MAGI2: variants seen among roughly 807,000 people sequenced by gnomAD.
MAGI2 encodes the protein membrane associated guanylate kinase, WW and PDZ domain containing 2.
A neutral mutation model predicts 133.3 loss-of-function variants in MAGI2; 35 were observed. That is an observed-to-expected ratio of 0.26 (90% confidence interval 0.20 to 0.35). The LOEUF (loss-of-function observed/expected upper bound fraction) is 0.35. Among genes scored for constraint, MAGI2 ranks in the 10% least tolerant of loss-of-function variants. The probability of loss-of-function intolerance (pLI) is 1.00; values close to 1 mark genes in which losing one functional copy is unlikely to be tolerated. For synonymous variants in MAGI2, 729 were observed against 710.6 expected (o/e 1.03, Z -0.41); for missense variants, 1,636 against 1,863.4 (o/e 0.88, Z 2.25).
At chr7:78,933,330 TC>T (rs1368023299) in intron 2 of MAGI2, among the ~76,000 whole-genome samples, 1 of 152,138 alleles carries the variant, frequency 6.6e-6, no homozygotes, top group East Asian at 1.9e-4. Context: ...AAAAACAGTT[TC>T]TTTAACAGCA....
intron 3 of MAGI2, among the ~76,000 whole-genome samples, chr7:78,567,426 A>C (rs1801060575): frequency 6.6e-6 from 1 of 151,504 alleles, no homozygotes; most frequent in African/African-American, 2.4e-5. Context: ...ACACAACCGC[A>C]ATGCATGACA....
intron 6 of MAGI2, among the ~76,000 whole-genome samples, chr7:78,447,628 A>C (rs539646313): frequency 6.6e-6 from 1 of 152,082 alleles, no homozygotes; most frequent in Non-Finnish European, 1.5e-5. Context: ...TGACTAGCTC[A>C]CCTGGGGACA....
At chr7:79,353,818 G>C (rs1470089843) in intron 1 of MAGI2, 1 of 222,328 alleles carries the variant, frequency 4.5e-6, no homozygotes, top group Non-Finnish European at 9.3e-6. Context: ...TGCTGGCAGG[G>C]GGTGGTGGTG....
intron 3 of MAGI2, among the ~76,000 whole-genome samples, chr7:78,606,861 ATC>A (rs1353528494): frequency 6.6e-6 from 1 of 152,006 alleles, no homozygotes; most frequent in African/African-American, 2.4e-5. Context: ...CTTTCTGTGT[ATC>A]TGTTTTTCAT....
At chr7:78,732,535 T>C (rs1472471380) in intron 2 of MAGI2, among the ~76,000 whole-genome samples, 1 of 152,122 alleles carries the variant, frequency 6.6e-6, no homozygotes, top group Non-Finnish European at 1.5e-5. Context: ...ATAGGATGGA[T>C]TGAAAGAAGA....
At chr7:78,485,223 T>TA (rs1563068902) in intron 6 of MAGI2, 1 of 151,946 alleles carries the variant, frequency 6.6e-6, no homozygotes, top group African/African-American at 2.4e-5. Context: ...TGTGGCATTT[T>TA]AAAAAAGACT....
intron 9 of MAGI2, among the ~76,000 whole-genome samples, chr7:78,296,873 A>C (rs1343992252): frequency 1.3e-5 from 2 of 152,210 alleles, no homozygotes; most frequent in African/African-American, 4.8e-5. Flanking sequence ...GGAAAGGCTC[A>C]CCTGGCAAAG....
At chr7:78,635,474 A>T (rs1445579681) in intron 2 of MAGI2, among the ~76,000 whole-genome samples, 1 of 152,252 alleles carries the variant, frequency 6.6e-6, no homozygotes, top group Middle Eastern at 3.2e-3. Context: ...ATATATTAAA[A>T]ATTCCATAGT....
At chr7:78,219,567 C>G (rs1052362254) in intron 10 of MAGI2, among the ~76,000 whole-genome samples, 3 of 152,124 alleles carry the variant, frequency 2.0e-5, no homozygotes, top group Non-Finnish European at 2.9e-5. Flanking sequence ...GTCCTTCCCC[C>G]CCACCGATGT....
At position 78,017,961 on chromosome 7, in the gene MAGI2, T is replaced by A. The variant is rs1419220926; in HGVS notation, c.*1354A>T. On this transcript the variant is annotated 3_prime_UTR_variant, in exon 22 of 22. Coordinates refer to ENST00000354212, the MANE Select transcript of MAGI2 (RefSeq NM_012301.4). ...AAAAAGAAATTGCCTTCAGAAACACTTTGCCTTTTAATATGTGTAGCTACA... is the reference window on the plus strand; with the variant it reads ...AAAAAGAAATTGCCTTCAGAAACACATTGCCTTTTAATATGTGTAGCTACA... 5 of 152,242 alleles carry A rather than the reference T, an allele frequency of 3.3e-5. No homozygotes were observed. The highest frequency in any genetic ancestry group is 9.6e-5 in the African/African-American group (4 of 41,458). 9.4% of individuals were successfully genotyped at this position (152,242 alleles called of 1,614,324 possible). A position where few individuals can be genotyped will look rare whatever the true frequency, so the allele number is the denominator to read the frequency against.
At chr7:78,943,302 A>T (rs1452683892) in intron 2 of MAGI2, among the ~76,000 whole-genome samples, 1 of 152,180 alleles carries the variant, frequency 6.6e-6, no homozygotes, top group Non-Finnish European at 1.5e-5. Context: ...AAAATAGAAC[A>T]TGTAACAGGA....
Position 78,160,112 on chromosome 7 carries a change from C to T in MAGI2, c.2758G>A (p.Asp920Asn), listed in dbSNP as rs1407251405. 2.5e-6 allele frequency: 4 copies of T among 1,611,462 alleles called. No individual in the cohort carries two copies. In the Admixed American group the frequency reaches 6.7e-5, roughly 27 times the overall value. The part of the protein sequence containing the change: ...GFASHSLQTS[D>N]VVIHRKENEG... ...TTCTCTTTGCGGTGAATGACCACAT[C>T]ACTGGTCTGCAGGCTGTGGGAGGCG... Residue 920 changes from aspartate to asparagine, a missense_variant, in exon 16 of 22, where the codon GAT becomes AAT. Transcript: ENST00000354212.
chr7:78,289,123 A>G (rs751369829), intron 9 of MAGI2, among the ~76,000 whole-genome samples: 20 of 152,218 alleles, frequency 1.3e-4, no homozygotes, highest in Admixed American at 3.3e-4. Flanking sequence ...AGTTGGCAGA[A>G]GTAGGCTTCA....
At chr7:78,049,218 A>G (rs1157343982) in intron 21 of MAGI2, among the ~76,000 whole-genome samples, 1 of 152,190 alleles carries the variant, frequency 6.6e-6, no homozygotes, top group Non-Finnish European at 1.5e-5. Context: ...TGAGAAAGAG[A>G]CATTGTGAAA....
chr7:79,082,262 C>T (rs1278397067), intron 1 of MAGI2, among the ~76,000 whole-genome samples: 2 of 151,976 alleles, frequency 1.3e-5, no homozygotes, highest in East Asian at 3.9e-4. Flanking sequence ...GTCACTTGTG[C>T]TTTTGGTGTG....
intron 6 of MAGI2, among the ~76,000 whole-genome samples, chr7:78,370,519 T>C (rs1285279438): frequency 6.6e-6 from 1 of 151,996 alleles, no homozygotes; most frequent in Non-Finnish European, 1.5e-5. Flanking sequence ...TAATATAGTA[T>C]GGAAAAATTC....
At chr7:79,438,924 T>C (rs937685904) in intron 1 of MAGI2, among the ~76,000 whole-genome samples, 2 of 152,180 alleles carry the variant, frequency 1.3e-5, no homozygotes, top group Admixed American at 6.6e-5. Flanking sequence ...CCACCTACAG[T>C]ATAATGTCCA....
At chr7:78,861,231 C>A (rs918488047) in intron 2 of MAGI2, among the ~76,000 whole-genome samples, 1 of 152,044 alleles carries the variant, frequency 6.6e-6, no homozygotes, top group Admixed American at 6.5e-5. Flanking sequence ...TGGGCTGCAC[C>A]CACTGCCTGA....
At chr7:78,086,824 G>C (rs756961396) in intron 20 of MAGI2, among the ~76,000 whole-genome samples, 4 of 150,668 alleles carry the variant, frequency 2.7e-5, no homozygotes, top group Non-Finnish European at 5.9e-5. Flanking sequence ...TGGTAAAGAC[G>C]GGGTTTCGCC....
Sources: gnomAD v4.1 joint callset for allele counts (sites outside exome capture counted in the v4.1 genomes callset) on GRCh38, gnomAD v4.1.1 for gene constraint, MANE v1.5 for transcripts, NCBI Gene and HGNC (gene_info 2026-07-23, HGNC 2026-07-21) for gene names.